Variants in CCSER1 observed in about 807,000 individuals in gnomAD.
CCSER1 encodes coiled-coil serine rich protein 1, also known as serine-rich coiled-coil domain-containing protein 1.
In CCSER1, 41 loss-of-function variants were observed where a neutral mutation model predicts 82.0. The ratio of observed to expected loss-of-function variants is 0.50; its 90% CI spans 0.39 to 0.65. The LOEUF (loss-of-function observed/expected upper bound fraction) is 0.65. CCSER1 is among the 30% of genes least tolerant of loss of function. The pLI, the probability that CCSER1 is intolerant of heterozygous loss-of-function variation, is 0.00. For synonymous variants in CCSER1, 414 were observed against 383.9 expected, an observed-to-expected ratio of 1.08 and a Z score of -0.92; for missense variants, 1,119 against 1,064.2, an observed-to-expected ratio of 1.05 and a Z score of -0.72.
At chr4:90,793,111 C>T (rs1235770654) in intron 7 of CCSER1, among the ~76,000 whole-genome samples, 1 of 152,190 alleles carries the variant, frequency 6.6e-6, no homozygotes, top group Non-Finnish European at 1.5e-5. Flanking sequence ...TCTTTGAATA[C>T]CTTTTTTCTA....
chr4:90,291,052 T>G (rs1730836911), intron 1 of CCSER1, among the ~76,000 whole-genome samples: 1 of 152,020 alleles, frequency 6.6e-6, no homozygotes, highest in Admixed American at 6.6e-5. Flanking sequence ...TTAAAAATAA[T>G]TTTTATTTCA....
At chr4:91,366,106 C>T (rs903592720) in intron 10 of CCSER1, among the ~76,000 whole-genome samples, 2 of 152,140 alleles carry the variant, frequency 1.3e-5, no homozygotes, top group African/African-American at 4.8e-5. Context: ...GCAACCTCCG[C>T]CTCCCAGGTT....
intron 10 of CCSER1, among the ~76,000 whole-genome samples, chr4:91,409,263 A>G (rs1752886269): frequency 1.3e-5 from 2 of 152,206 alleles, no homozygotes; most frequent in African/African-American, 4.8e-5. Context: ...TATTTGAATG[A>G]TTTTAATTAC....
At chr4:90,472,544 A>T (rs1254169919) in intron 5 of CCSER1, among the ~76,000 whole-genome samples, 2 of 152,194 alleles carry the variant, frequency 1.3e-5, no homozygotes, top group African/African-American at 2.4e-5. Context: ...TACATTGCTC[A>T]TTACAGTGGC....
chr4:91,061,309 AAAT>A (rs1743932619), intron 9 of CCSER1, among the ~76,000 whole-genome samples: 1 of 152,002 alleles, frequency 6.6e-6, no homozygotes, highest in South Asian at 2.1e-4. Flanking sequence ...AAACTTACAT[AAAT>A]AATAAAGCAA....
intron 10 of CCSER1, among the ~76,000 whole-genome samples, chr4:91,279,422 T>G (rs532390952): frequency 1.3e-5 from 2 of 152,222 alleles, no homozygotes; most frequent in Admixed American, 1.3e-4. Flanking sequence ...CTCATAGATT[T>G]TGTTCATTTA....
chr4:90,161,797 TA>T (rs1290704472), intron 1 of CCSER1, among the ~76,000 whole-genome samples: 1 of 152,142 alleles, frequency 6.6e-6, no homozygotes, highest in African/African-American at 2.4e-5. Context: ...AAAATTCTCA[TA>T]TTTTTTTCAG....
At position 91,141,601 on chromosome 4, in the gene CCSER1, GT is replaced by G. The variant is rs547940132; in HGVS notation, c.2217+55608del. Among the ~76,000 whole-genome samples, 26 of 152,288 alleles carry G rather than the reference GT, an allele frequency of 1.7e-4. No individual in the cohort carries two copies. The South Asian group carries it at 4.8e-3, about 28-fold the overall frequency. On this transcript the variant is annotated intron_variant, in intron 10 of 10. Transcript: ENST00000509176. ...CTGCAATGGACATATGAGTGCTTGTGTCTTTTTGGTAGAACAATTTTTTTTT... is the reference window on the plus strand; with the variant it reads ...CTGCAATGGACATATGAGTGCTTGTGCTTTTTGGTAGAACAATTTTTTTTT...
chr4:90,695,477 T>C (rs1402049400), intron 6 of CCSER1, among the ~76,000 whole-genome samples: 1 of 152,050 alleles, frequency 6.6e-6, no homozygotes, highest in Admixed American at 6.6e-5. Flanking sequence ...ATTATTACTT[T>C]ACTCTTTGGG....
At chr4:90,499,554 G>A (rs2153610961) in intron 5 of CCSER1, among the ~76,000 whole-genome samples, 1 of 152,136 alleles carries the variant, frequency 6.6e-6, no homozygotes, top group Non-Finnish European at 1.5e-5. Context: ...CAATATATAT[G>A]AATTACTCAA....
chr4:91,104,025 G>A (rs1725354613), intron 10 of CCSER1, among the ~76,000 whole-genome samples: 1 of 152,062 alleles, frequency 6.6e-6, no homozygotes, highest in Admixed American at 6.6e-5. Context: ...GGGAATGTCT[G>A]TCTTATGCAT....
chr4:90,992,197 G>A (rs1490157044), intron 9 of CCSER1, among the ~76,000 whole-genome samples: 1 of 152,182 alleles, frequency 6.6e-6, no homozygotes, highest in South Asian at 2.1e-4. Context: ...TTGAGCCATT[G>A]TGCCATTAAC....
intron 3 of CCSER1, among the ~76,000 whole-genome samples, chr4:90,350,492 G>A (rs576690230): frequency 6.9e-4 from 105 of 152,184 alleles, no homozygotes; most frequent in African/African-American, 2.4e-3. Context: ...GTTATTATTT[G>A]CTAAGCATGT....
At chr4:91,429,663 T>C (rs1336872065) in intron 10 of CCSER1, among the ~76,000 whole-genome samples, 2 of 151,894 alleles carry the variant, frequency 1.3e-5, no homozygotes, top group East Asian at 3.8e-4. Flanking sequence ...GGCCACAAAC[T>C]TTACTGATAT....
intron 5 of CCSER1, among the ~76,000 whole-genome samples, chr4:90,557,762 G>T (rs898255324): frequency 1.3e-5 from 2 of 152,124 alleles, no homozygotes; most frequent in African/African-American, 4.8e-5. Flanking sequence ...GGACTTCTAC[G>T]AATGTGGCAA....
chr4:90,948,629 A>C (rs1732545022), intron 9 of CCSER1, among the ~76,000 whole-genome samples: 1 of 152,122 alleles, frequency 6.6e-6, no homozygotes, highest in African/African-American at 2.4e-5. Context: ...TAATTTTCTA[A>C]GTTTTGTAGA....
intron 10 of CCSER1, among the ~76,000 whole-genome samples, chr4:91,543,051 T>C (rs1184952604): frequency 1.3e-5 from 2 of 152,232 alleles, no homozygotes; most frequent in East Asian, 3.8e-4. Context: ...TTTACCATTA[T>C]GTAATGGCCT....
At chr4:91,534,023 G>C (rs974067342) in intron 10 of CCSER1, among the ~76,000 whole-genome samples, 3 of 151,884 alleles carry the variant, frequency 2.0e-5, no homozygotes, top group African/African-American at 7.3e-5. Context: ...CTTCTTTCAA[G>C]CTACTTTCCT....
chr4:91,237,892 A>C (rs1739140707), intron 10 of CCSER1, among the ~76,000 whole-genome samples: 1 of 152,222 alleles, frequency 6.6e-6, no homozygotes, highest in Non-Finnish European at 1.5e-5. Flanking sequence ...TTTATTTGAG[A>C]GCACTAAAAG....
Sources: gnomAD v4.1 joint callset for allele counts (sites outside exome capture counted in the v4.1 genomes callset) on GRCh38, gnomAD v4.1.1 for gene constraint, MANE v1.5 for transcripts, NCBI Gene and HGNC (gene_info 2026-07-23, HGNC 2026-07-21) for gene names.